The following POLN variants were observed in gnomAD, a reference collection of about 807,000 sequenced individuals.
POLN encodes DNA polymerase N.
A neutral mutation model predicts 113.5 loss-of-function variants in POLN; 108 were observed. The ratio of observed to expected loss-of-function variants is 0.95; its 90% CI spans 0.81 to 1.12. The LOEUF is 1.12. Among genes scored for constraint, POLN ranks in the 50% most tolerant of loss-of-function variants. The probability of loss-of-function intolerance (pLI) is 0.00; values close to 1 mark genes in which losing one functional copy is unlikely to be tolerated. For synonymous variants in POLN, 386 were observed against 391.5 expected (o/e 0.99, Z 0.17); for missense variants, 1,097 against 1,077.1 (o/e 1.02, Z -0.26).
At chr4:2,195,361 A>T (rs1484105773) in intron 6 of POLN, among the ~76,000 whole-genome samples, 1 of 152,086 alleles carries the variant, frequency 6.6e-6, no homozygotes, top group Non-Finnish European at 1.5e-5. Context: ...TACATTAATG[A>T]ACACACTACT....
intron 19 of POLN, among the ~76,000 whole-genome samples, chr4:2,098,682 T>C (rs1487698391): frequency 3.3e-5 from 5 of 152,308 alleles, no homozygotes; most frequent in Non-Finnish European, 2.9e-5. Context: ...TTGGCATGCA[T>C]GCACAACTTC....
chr4:2,237,942 A>C (rs1276431160), intron 2 of POLN, among the ~76,000 whole-genome samples: 1 of 152,196 alleles, frequency 6.6e-6, no homozygotes, highest in African/African-American at 2.4e-5. Context: ...CACATAGATC[A>C]TAATGTCAGT....
chr4:2,096,757 A>G (rs1017434960), intron 19 of POLN, among the ~76,000 whole-genome samples: 2 of 151,980 alleles, frequency 1.3e-5, no homozygotes, highest in Admixed American at 6.6e-5. Flanking sequence ...AGAAAAAGTA[A>G]CAGAAACTTC....
chr4:2,201,997 C>G (rs1452151820), intron 5 of POLN, among the ~76,000 whole-genome samples: 1 of 152,068 alleles, frequency 6.6e-6, no homozygotes, highest in African/African-American at 2.4e-5. Flanking sequence ...ACTACCAGGC[C>G]AGCACTACAA....
At chr4:2,234,165 T>G (rs1476373681) in intron 2 of POLN, 6 of 152,206 alleles carry the variant, frequency 3.9e-5, no homozygotes, top group African/African-American at 1.2e-4. Context: ...TTAAGAAAAC[T>G]ATTTAGAGAG....
intron 16 of POLN, among the ~76,000 whole-genome samples, chr4:2,133,269 A>G (rs949638464): frequency 6.6e-6 from 1 of 152,244 alleles, no homozygotes; most frequent in African/African-American, 2.4e-5. Context: ...GTTCCTCAAA[A>G]AAAGAAAAAT....
At chr4:2,145,271 C>T (rs1479278314) in intron 16 of POLN, among the ~76,000 whole-genome samples, 2 of 151,714 alleles carry the variant, frequency 1.3e-5, no homozygotes, top group Non-Finnish European at 2.9e-5. Flanking sequence ...TTAAATGAGA[C>T]ACAGAGAGGT....
intron 19 of POLN, among the ~76,000 whole-genome samples, chr4:2,100,733 A>T (rs1730902668): frequency 6.6e-6 from 1 of 152,238 alleles, no homozygotes; most frequent in Non-Finnish European, 1.5e-5. Flanking sequence ...CTGATGCAGG[A>T]GTAAAAATAG....
chr4:2,174,152 A>C (rs944310561), intron 10 of POLN, 133 bp from the exon 11 acceptor site: 23 of 807,560 alleles, frequency 2.8e-5, no homozygotes, highest in Non-Finnish European at 4.4e-5. Context: ...CTGCATGCCA[A>C]CCTCTGCACA....
At chr4:2,227,216 G>A (rs556937848) in intron 3 of POLN, among the ~76,000 whole-genome samples, 26 of 152,362 alleles carry the variant, frequency 1.7e-4, no homozygotes, top group Admixed American at 2.6e-4. Flanking sequence ...TGCCCACATA[G>A]AGGATCACAT....
At chr4:2,129,388 A>G in intron 17 of POLN, 132 bp from the exon 18 acceptor site, 1 of 594,688 alleles carries the variant, frequency 1.7e-6, no homozygotes, top group Admixed American at 3.0e-5. Flanking sequence ...GAATATTTTT[A>G]TTAATTTAAT....
At chr4:2,204,591 G>A (rs1311311709) in intron 5 of POLN, among the ~76,000 whole-genome samples, 1 of 152,172 alleles carries the variant, frequency 6.6e-6, no homozygotes. Flanking sequence ...ATCATTCTGT[G>A]AAGTCAGTAT....
chr4:2,134,625 C>T (rs1731807198), intron 16 of POLN, among the ~76,000 whole-genome samples: 1 of 152,168 alleles, frequency 6.6e-6, no homozygotes, highest in Non-Finnish European at 1.5e-5. Flanking sequence ...ACCACGACTT[C>T]TCCTCATCCT....
At chr4:2,235,750 T>C (rs1214758528) in intron 2 of POLN, among the ~76,000 whole-genome samples, 6 of 152,164 alleles carry the variant, frequency 3.9e-5, no homozygotes, top group Admixed American at 1.3e-4. Flanking sequence ...TCTAGGAATA[T>C]ATATATATGT....
At chr4:2,109,525 TTC>T (rs1161146993) in intron 19 of POLN, among the ~76,000 whole-genome samples, 3 of 152,340 alleles carry the variant, frequency 2.0e-5, no homozygotes, top group South Asian at 4.1e-4. Flanking sequence ...CACTCTTTAG[TTC>T]TGTCAATTTT....
chr4:2,236,841 C>T (rs1326308771), intron 2 of POLN, among the ~76,000 whole-genome samples: 1 of 150,922 alleles, frequency 6.6e-6, no homozygotes, highest in Admixed American at 6.6e-5. Flanking sequence ...CCAGCCTGGG[C>T]GACAGAGTGA....
rs1183131325 is a variant in POLN at position 2,241,502 on chromosome 4, G to C, written c.-13+18C>G. ...AAATAAGCATGGCACATCTTCTGAA[G>C]ATCAACTAAATATTTACCTCAACGT... On this transcript the variant is annotated intron_variant, in intron 2 of 25. Coordinates refer to ENST00000511885, the MANE Select transcript of POLN (RefSeq NM_181808.4). 1 of 985,670 alleles carries C rather than the reference G, an allele frequency of 1.0e-6. No homozygotes were observed. Among genetic ancestry groups the C allele is most frequent in the Non-Finnish European group, 1.2e-6 (1 of 830,152 alleles). 61.1% of individuals were successfully genotyped at this position (985,670 alleles called of 1,614,324 possible).
chr4:2,183,999 G>A (rs1341109636), intron 7 of POLN, among the ~76,000 whole-genome samples: 5 of 151,450 alleles, frequency 3.3e-5, no homozygotes, highest in African/African-American at 9.7e-5. Flanking sequence ...AACTACAGGC[G>A]CACGCCATCA....
At chr4:2,139,044 T>A (rs570676807) in intron 16 of POLN, among the ~76,000 whole-genome samples, 1 of 151,968 alleles carries the variant, frequency 6.6e-6, no homozygotes, top group East Asian at 1.9e-4. Context: ...GAGATGCTCA[T>A]GCAGTGGACT....
Sources: gnomAD v4.1 joint callset for allele counts (sites outside exome capture counted in the v4.1 genomes callset) on GRCh38, gnomAD v4.1.1 for gene constraint, MANE v1.5 for transcripts, NCBI Gene and HGNC (gene_info 2026-07-23, HGNC 2026-07-21) for gene names.